The following PCDHGA8 variants were observed in gnomAD, a reference collection of about 807,000 sequenced individuals.
The protein encoded by PCDHGA8 is protocadherin gamma-A8.
Under a neutral mutation model 59.2 loss-of-function variants are expected in PCDHGA8, and 45 were observed. That is an observed-to-expected ratio of 0.76 (90% CI 0.60 to 0.98). The LOEUF (loss-of-function observed/expected upper bound fraction) is 0.98, where lower values mean the gene tolerates loss of function less well. PCDHGA8 is among the 50% of genes least tolerant of loss of function. The probability of loss-of-function intolerance (pLI) is 0.00; values close to 1 mark genes in which losing one functional copy is unlikely to be tolerated. For missense variants in PCDHGA8, 1,257 were observed against 1,196.2 expected (o/e 1.05, Z -0.75); for synonymous variants, 531 against 519.0 (o/e 1.02, Z -0.32).
Position 141,485,330 on chromosome 5 carries a change from C to T in PCDHGA8, c.2425-9477C>T. On this transcript the variant is annotated intron_variant, in intron 1 of 3. Transcript: ENST00000398604. This position sits in a 1 kb window ranked among gnomAD's most constrained non-coding sequence, Gnocchi z 5.7. ...TGTAGGGAATGTCGCTCAAGATTTC[C>T]TGCTGGATACGGACAGTCTGTCAGC... 6.2e-7 allele frequency: 1 copy of T among 1,614,164 alleles called. No individual in the cohort carries two copies. Among genetic ancestry groups the T allele is most frequent in the East Asian group, 2.2e-5 (1 of 44,862 alleles).
rs780007896 is a variant in PCDHGA8 at position 141,399,692 on chromosome 5, G to T, written c.2424+4455G>T. 1.2e-5 allele frequency: 19 copies of T among 1,613,318 alleles called. No individual in the cohort carries two copies. The South Asian group carries it at 2.1e-4, about 18-fold the overall frequency. ...CGCGCCTTTGACTACGAGCAGCTGC[G>T]CACCTTCGAACTCACACTACAGGCC... On this transcript the variant is annotated intron_variant, in intron 1 of 3. Coordinates refer to ENST00000398604, the MANE Select transcript of PCDHGA8 (RefSeq NM_032088.2).
At chr5:141,450,489 CTG>C (rs2098682348) in intron 1 of PCDHGA8, among the ~76,000 whole-genome samples, 1 of 150,280 alleles carries the variant, frequency 6.7e-6, no homozygotes, top group Admixed American at 6.6e-5. Context: ...GTTTGTTTGT[CTG>C]TTTGTTTGTT....
At chr5:141,422,090 A>T (rs762413085) in intron 1 of PCDHGA8, 1 of 1,611,852 alleles carries the variant, frequency 6.2e-7, no homozygotes, top group East Asian at 2.2e-5. Context: ...ATGGAAAGCA[A>T]GGCTTCTGAA....
chr5:141,420,845 G>T (rs1038454602), intron 1 of PCDHGA8, among the ~76,000 whole-genome samples: 4 of 152,200 alleles, frequency 2.6e-5, no homozygotes, highest in Non-Finnish European at 4.4e-5. Context: ...GGTGTTCTTG[G>T]TAAAGTTTTA....
chr5:141,433,199 ATCT>A (rs1202688924), intron 1 of PCDHGA8: 4 of 1,579,570 alleles, frequency 2.5e-6, no homozygotes, highest in East Asian at 2.2e-5. Context: ...TTTATATCAA[ATCT>A]TCTTTCTTTT....
chr5:141,404,970 C>A (rs1470955697), intron 1 of PCDHGA8: 1 of 1,613,940 alleles, frequency 6.2e-7, no homozygotes, highest in Non-Finnish European at 8.5e-7. Flanking sequence ...GACATCCTGG[C>A]TGACCTGGGC....
chr5:141,415,873 G>A lies in PCDHGA8; in HGVS notation c.2424+20636G>A, dbSNP rs905638480. The A allele has an allele frequency of 9.6e-6, 10 of 1,046,220 alleles. No homozygotes were observed. In the East Asian group the frequency reaches 1.8e-4, roughly 19 times the overall value. The allele number at this position is 1,046,220 out of a possible 1,614,324, so 64.8% of individuals were successfully genotyped here. A position where few individuals can be genotyped will look rare whatever the true frequency, so the allele number is the denominator to read the frequency against. On this transcript the variant is annotated intron_variant, in intron 1 of 3. Transcript: ENST00000398604. ...ACCTTGTAGTTTATAGTGTTGTTGA[G>A]TACAATATTGACAATTCCTAAGACA...
At chr5:141,419,808 G>A in intron 1 of PCDHGA8, 2 of 1,614,066 alleles carry the variant, frequency 1.2e-6, no homozygotes, top group Non-Finnish European at 8.5e-7. Flanking sequence ...AGAGATGGAG[G>A]ACAGCCACCC....
intron 1 of PCDHGA8, chr5:141,419,739 G>T: frequency 6.2e-7 from 1 of 1,613,770 alleles, no homozygotes; most frequent in South Asian, 1.1e-5. Context: ...GGCGAGGTGC[G>T]CATGGTGCGT....
Position 141,410,515 on chromosome 5 carries a change from G to A in PCDHGA8, c.2424+15278G>A, listed in dbSNP as rs373451539. The A allele has an allele frequency of 1.9e-6, 3 of 1,613,828 alleles. No homozygotes were observed. The African/African-American group carries it at 4.0e-5, about 22-fold the overall frequency. On this transcript the variant is annotated intron_variant, in intron 1 of 3. Coordinates refer to ENST00000398604, the MANE Select transcript of PCDHGA8 (RefSeq NM_032088.2). ...AGTTTAATTTCCTAAAATGCAGTGT[G>A]CCCCTACATTCCAATGAAGACATGG...
rs1018272442 is a variant in PCDHGA8 at position 141,419,770 on chromosome 5, G to T, written c.2424+24533G>T. The stretch of plus-strand genomic sequence containing the variant: ...TGCGTGCTTTGGGTGACAAGGACTC[G>T]GTCCGCCAGCGCCTGCTAGTCGCTG... On this transcript the variant is annotated intron_variant, in intron 1 of 3. Transcript: ENST00000398604. 6.2e-6 allele frequency: 10 copies of T among 1,613,888 alleles called. No homozygotes were observed. The African/African-American group carries it at 1.2e-4, about 19-fold the overall frequency.
At chr5:141,420,413 A>T in intron 1 of PCDHGA8, 1 of 1,222,396 alleles carries the variant, frequency 8.2e-7, no homozygotes, top group Non-Finnish European at 1.1e-6. Context: ...GGTTATCATT[A>T]TTAAAACAAA....
intron 1 of PCDHGA8, among the ~76,000 whole-genome samples, chr5:141,450,666 T>G (rs1434496607): frequency 6.6e-6 from 1 of 151,890 alleles, no homozygotes; most frequent in African/African-American, 2.4e-5. Context: ...TTTGTACTTT[T>G]AGTAGAAACG....
At chr5:141,492,448 G>T (rs2734874) in intron 1 of PCDHGA8, among the ~76,000 whole-genome samples, 50 of 152,334 alleles carry the variant, frequency 3.3e-4, no homozygotes, top group African/African-American at 1.2e-3. Context: ...GTAGCTGATT[G>T]TGCGCGCCTG....
At chr5:141,478,870 G>A (rs1463992722) in intron 1 of PCDHGA8, 6 of 1,273,242 alleles carry the variant, frequency 4.7e-6, no homozygotes, top group Non-Finnish European at 5.2e-6. Flanking sequence ...AGCGATCAGA[G>A]TTTAGCTTGG....
At chr5:141,501,290 TACACACACACACACACAC>T (rs55762287) in intron 2 of PCDHGA8, among the ~76,000 whole-genome samples, 6 of 136,162 alleles carry the variant, frequency 4.4e-5, no homozygotes, top group South Asian at 2.4e-4. Flanking sequence ...TATTCCCTTA[TACACACACACACACACAC>T]ACACACACAC....
rs1256817731 is a variant in PCDHGA8, at chr5:141,394,257, C to A, written c.1444C>A (p.Gln482Lys). ...FSLTAHDPDS[Q>K]ENAQVTYSVT... is the part of the protein sequence containing the mutation. ...CTTGACTGCACACGACCCCGACAGC[C>A]AGGAGAATGCCCAGGTCACTTACTC... Residue 482 changes from glutamine (Q) to lysine (K), a missense_variant, in exon 1 of 4, where the codon CAG (glutamine) becomes AAG (lysine). Transcript: ENST00000398604. The A allele has an allele frequency of 6.2e-7, 1 of 1,613,828 alleles. No individual in the cohort carries two copies. The highest frequency in any genetic ancestry group is 8.5e-7 in the Non-Finnish European group (1 of 1,179,892).
chr5:141,485,805 T>C lies in PCDHGA8; in HGVS notation c.2425-9002T>C, dbSNP rs753916789. ...GAGAAGCAATCGGACTACCGCCTGG[T>C]GCTGACTGCTGTCGATGGAGGGAAC... On this transcript the variant is annotated intron_variant, in intron 1 of 3. Coordinates refer to ENST00000398604, the MANE Select transcript of PCDHGA8 (RefSeq NM_032088.2). The surrounding 1 kb of genome is among the most constrained non-coding windows in gnomAD (Gnocchi z 5.7). 1.2e-6 allele frequency: 2 copies of C among 1,614,198 alleles called. No individual in the cohort carries two copies. The highest frequency in any genetic ancestry group is 1.7e-6 in the Non-Finnish European group (2 of 1,180,026).
At position 141,432,476 on chromosome 5, in the gene PCDHGA8, A is replaced by T. The variant is rs778378071; in HGVS notation, c.2424+37239A>T. On this transcript the variant is annotated intron_variant, in intron 1 of 3. Transcript: ENST00000398604. This position sits in a 1 kb window ranked among gnomAD's most constrained non-coding sequence, Gnocchi z 6.0. ...CCCCGCCCTCCCCACGGACGGTTCC[A>T]CTGGCGTGGAGCTGGCTCCCCGCTC... 4.6e-5 allele frequency: 75 copies of T among 1,613,962 alleles called. No homozygotes were observed. In the South Asian group the frequency reaches 7.9e-4, roughly 17 times the overall value.
Sources: gnomAD v4.1 joint callset for allele counts (sites outside exome capture counted in the v4.1 genomes callset) on GRCh38, gnomAD v4.1.1 for gene constraint, Gnocchi (gnomAD v3.1) non-coding constraint, MANE v1.5 for transcripts, NCBI Gene and HGNC (gene_info 2026-07-23, HGNC 2026-07-21) for gene names.